Variants in GPC5 observed in about 807,000 individuals in gnomAD.
GPC5 encodes glypican-5.
GPC5 carries 47 observed loss-of-function variants against 53.9 expected under a neutral mutation model. That is an observed-to-expected ratio of 0.87 (90% confidence interval 0.69 to 1.11). The LOEUF (loss-of-function observed/expected upper bound fraction) is 1.11, where lower values mean the gene tolerates loss of function less well. Among genes scored for constraint, GPC5 ranks in the 50% most tolerant of loss-of-function variants. The probability of loss-of-function intolerance (pLI) is 0.00; values close to 1 mark genes in which losing one functional copy is unlikely to be tolerated. For synonymous variants in GPC5, 286 were observed against 263.3 expected, an observed-to-expected ratio of 1.09 and a Z score of -0.84; for missense variants, 748 against 713.1, an observed-to-expected ratio of 1.05 and a Z score of -0.56.
chr13:91,867,189 T>TG (rs1248215174), intron 5 of GPC5, among the ~76,000 whole-genome samples: 1 of 152,186 alleles, frequency 6.6e-6, no homozygotes, highest in Non-Finnish European at 1.5e-5. Context: ...TGCTCCAGCC[T>TG]GGGAAACAAG....
intron 7 of GPC5, among the ~76,000 whole-genome samples, chr13:92,740,960 G>GTATATATA (rs1555308306): frequency 8.5e-6 from 1 of 117,756 alleles, no homozygotes; most frequent in Non-Finnish European, 1.9e-5. Context: ...ATATGTATGT[G>GTATATATA]TATATATATA....
intron 2 of GPC5, among the ~76,000 whole-genome samples, chr13:91,475,681 G>T (rs1211890963): frequency 6.6e-6 from 1 of 151,796 alleles, no homozygotes; most frequent in Non-Finnish European, 1.5e-5. Flanking sequence ...TCCATTTTGG[G>T]GCCCAGATGA....
chr13:91,478,250 A>C (rs1883048160), intron 2 of GPC5, among the ~76,000 whole-genome samples: 1 of 152,194 alleles, frequency 6.6e-6, no homozygotes, highest in Non-Finnish European at 1.5e-5. Context: ...ATGAAAAGAA[A>C]TGTACACTTT....
chr13:92,073,187 A>C (rs1410986930), intron 6 of GPC5, among the ~76,000 whole-genome samples: 1 of 152,148 alleles, frequency 6.6e-6, no homozygotes, highest in Non-Finnish European at 1.5e-5. Context: ...AATTCTTTTC[A>C]TAAGTACATT....
Position 91,907,964 on chromosome 13 carries a change from A to G in GPC5, c.1308A>G (p.Gly436=). The G allele has an allele frequency of 6.3e-7, 1 of 1,595,446 alleles. No individual in the cohort carries two copies. The highest frequency in any genetic ancestry group is 1.3e-5 in the African/African-American group (1 of 74,868). Residue 436 remains glycine (G), a synonymous_variant, in exon 6 of 8, where the codon GGA becomes GGG. Coordinates refer to ENST00000377067, the MANE Select transcript of GPC5 (RefSeq NM_004466.6). ...KSYTQRVVGN[G]IKAQSGNPEV... ...ATACTCAGCGTGTGGTTGGAAATGG[A>G]ATCAAAGCCCAGTCTGGAAATCCTG...
intron 2 of GPC5, among the ~76,000 whole-genome samples, chr13:91,552,376 G>T (rs971271610): frequency 1.3e-5 from 2 of 151,958 alleles, no homozygotes; most frequent in South Asian, 2.1e-4. Flanking sequence ...AGACCAGCTC[G>T]ATCTGGGAGA....
intron 7 of GPC5, among the ~76,000 whole-genome samples, chr13:92,511,582 A>T (rs1242080117): frequency 6.6e-6 from 1 of 152,096 alleles, no homozygotes; most frequent in Non-Finnish European, 1.5e-5. Context: ...AGGGCATATG[A>T]TTTCTGTGAC....
intron 5 of GPC5, among the ~76,000 whole-genome samples, chr13:91,857,173 A>T (rs1045038511): frequency 6.6e-5 from 10 of 151,342 alleles, no homozygotes; most frequent in Non-Finnish European, 1.2e-4. Flanking sequence ...GCCCAGAGTA[A>T]TAATTTCTCC....
chr13:92,794,152 T>G (rs995529667), intron 7 of GPC5, among the ~76,000 whole-genome samples: 1 of 152,034 alleles, frequency 6.6e-6, no homozygotes, highest in African/African-American at 2.4e-5. Flanking sequence ...ACTGACAAAC[T>G]GTATCCAACA....
At chr13:92,559,122 A>C (rs149692695) in intron 7 of GPC5, among the ~76,000 whole-genome samples, 53 of 144,442 alleles carry the variant, frequency 3.7e-4, no homozygotes, top group African/African-American at 1.2e-3. Flanking sequence ...TCTGAACTAC[A>C]GGAGCATACA....
chr13:91,578,254 C>T (rs1180169296), intron 2 of GPC5, among the ~76,000 whole-genome samples: 2 of 152,204 alleles, frequency 1.3e-5, no homozygotes, highest in African/African-American at 4.8e-5. Context: ...TAAATGCAAC[C>T]TCATGAGAGA....
intron 1 of GPC5, among the ~76,000 whole-genome samples, chr13:91,442,883 A>G (rs1880535023): frequency 6.6e-6 from 1 of 152,188 alleles, no homozygotes; most frequent in African/African-American, 2.4e-5. Flanking sequence ...GTTTATTATG[A>G]AAGGAGGCTT....
intron 7 of GPC5, among the ~76,000 whole-genome samples, chr13:92,182,189 G>C (rs1051359822): frequency 2.6e-5 from 4 of 152,142 alleles, no homozygotes; most frequent in African/African-American, 9.7e-5. Context: ...TTTGGAAAGA[G>C]GTTTACCTCC....
At chr13:91,853,382 G>C (rs1435334829) in intron 5 of GPC5, among the ~76,000 whole-genome samples, 1 of 151,816 alleles carries the variant, frequency 6.6e-6, no homozygotes. Flanking sequence ...ACTTACAGAA[G>C]GGTAATTTTT....
chr13:92,658,371 A>T (rs1886209401), intron 7 of GPC5, among the ~76,000 whole-genome samples: 1 of 152,200 alleles, frequency 6.6e-6, no homozygotes, highest in Admixed American at 6.5e-5. Flanking sequence ...GCATTTGGGG[A>T]CATCTATGTT....
At chr13:92,729,744 G>T (rs1453704104) in intron 7 of GPC5, among the ~76,000 whole-genome samples, 2 of 151,320 alleles carry the variant, frequency 1.3e-5, no homozygotes, top group African/African-American at 4.8e-5. Context: ...AAGTAAGACA[G>T]GAAAGATAGG....
At chr13:92,428,336 A>G (rs986006009) in intron 7 of GPC5, among the ~76,000 whole-genome samples, 3 of 152,142 alleles carry the variant, frequency 2.0e-5, no homozygotes, top group Non-Finnish European at 2.9e-5. Context: ...CTCTGAAAGC[A>G]TCATGTGAAC....
At chr13:92,176,253 CTT>C (rs1304490016) in intron 7 of GPC5, among the ~76,000 whole-genome samples, 3 of 152,168 alleles carry the variant, frequency 2.0e-5, no homozygotes, top group Non-Finnish European at 4.4e-5. Flanking sequence ...GAGACTACAC[CTT>C]AAGGAGTTCT....
chr13:92,764,638 TAG>T (rs1306850510), intron 7 of GPC5, among the ~76,000 whole-genome samples: 1 of 152,188 alleles, frequency 6.6e-6, no homozygotes, highest in Non-Finnish European at 1.5e-5. Context: ...GTGGTAGAGG[TAG>T]AGTGTTTCCT....
Sources: gnomAD v4.1 joint callset for allele counts (sites outside exome capture counted in the v4.1 genomes callset) on GRCh38, gnomAD v4.1.1 for gene constraint, MANE v1.5 for transcripts, NCBI Gene and HGNC (gene_info 2026-07-23, HGNC 2026-07-21) for gene names.